DIAPH2: variants seen among roughly 807,000 people sequenced by gnomAD.
DIAPH2 encodes the protein protein diaphanous homolog 2.
In DIAPH2, 35 loss-of-function variants were observed where a neutral mutation model predicts 92.7. The observed-to-expected ratio is 0.38, with a 90% CI of 0.29 to 0.50. DIAPH2 has a LOEUF of 0.50. Among genes scored for constraint, DIAPH2 ranks in the 20% least tolerant of loss-of-function variants. The pLI is 0.94. For synonymous variants in DIAPH2, 301 were observed against 280.4 expected (o/e 1.07, Z -0.73); for missense variants, 701 against 819.5 (o/e 0.86, Z 1.77).
At chrX:97,486,119 A>G (rs951912113) in intron 26 of DIAPH2, among the ~76,000 whole-genome samples, 5 of 111,691 alleles carry the variant, frequency 4.5e-5, no homozygotes, top group African/African-American at 1.6e-4. Flanking sequence ...CTTCTCTTAA[A>G]AAAATAAGAT....
chrX:97,238,990 TCTTA>T (rs1445942600), intron 22 of DIAPH2, among the ~76,000 whole-genome samples: 1 of 112,004 alleles, frequency 8.9e-6, no homozygotes, highest in African/African-American at 3.2e-5. Flanking sequence ...AAGAGTAAAT[TCTTA>T]CTTGGTCTTT....
At chrX:96,780,994 A>T (rs1452152921) in intron 4 of DIAPH2, among the ~76,000 whole-genome samples, 1 of 108,334 alleles carries the variant, frequency 9.2e-6, no homozygotes, top group African/African-American at 3.4e-5. Context: ...TTTAGTAGAG[A>T]CGGGGTTTTG....
chrX:97,056,542 A>G (rs1345335483), intron 17 of DIAPH2, among the ~76,000 whole-genome samples: 1 of 112,162 alleles, frequency 8.9e-6, no homozygotes, highest in African/African-American at 3.2e-5. Context: ...TGCTTGAATT[A>G]CCATAGACTA....
intron 23 of DIAPH2, among the ~76,000 whole-genome samples, chrX:97,294,178 T>C (rs1480210294): frequency 8.9e-6 from 1 of 111,972 alleles, no homozygotes; most frequent in East Asian, 2.8e-4. Flanking sequence ...GGACTTCGCC[T>C]CTTAAGTAAT....
chrX:96,889,688 A>G (rs1045455924), intron 5 of DIAPH2, among the ~76,000 whole-genome samples: 1 of 111,798 alleles, frequency 8.9e-6, no homozygotes, highest in African/African-American at 3.3e-5. Flanking sequence ...ATCAAATATC[A>G]GGTTGTAATA....
At chrX:96,814,534 G>A (rs948993646) in intron 4 of DIAPH2, among the ~76,000 whole-genome samples, 4 of 112,149 alleles carry the variant, frequency 3.6e-5, no homozygotes, top group South Asian at 3.7e-4. Flanking sequence ...CTGTCAGCTC[G>A]TCAAAGTCAT....
intron 17 of DIAPH2, among the ~76,000 whole-genome samples, chrX:97,061,317 T>C (rs924279218): frequency 2.8e-4 from 31 of 112,180 alleles, no homozygotes; most frequent in African/African-American, 9.4e-4. Context: ...AACTAAGCTA[T>C]GATGTGCTTG....
chrX:97,275,638 C>T (rs1272481357), intron 23 of DIAPH2, among the ~76,000 whole-genome samples: 8 of 104,570 alleles, frequency 7.7e-5, no homozygotes, highest in Non-Finnish European at 1.4e-4. Context: ...ACCTCCCAAA[C>T]GGGGTTGCGG....
intron 1 of DIAPH2, among the ~76,000 whole-genome samples, chrX:96,707,629 CAG>C (rs1416668528): frequency 9.2e-6 from 1 of 108,247 alleles, no homozygotes; most frequent in Non-Finnish European, 1.9e-5. Context: ...GCCTGGGAGA[CAG>C]AGTGAGACTC....
At chrX:97,024,096 G>T (rs1032316369) in intron 17 of DIAPH2, among the ~76,000 whole-genome samples, 1 of 111,493 alleles carries the variant, frequency 9.0e-6, no homozygotes, top group Admixed American at 9.5e-5. Context: ...GATACTAGGG[G>T]TTTTCTTACA....
intron 1 of DIAPH2, among the ~76,000 whole-genome samples, chrX:96,693,311 G>T (rs1318151823): frequency 8.9e-6 from 1 of 112,208 alleles, no homozygotes; most frequent in African/African-American, 3.2e-5. Flanking sequence ...AGATAGATGA[G>T]TGATAATTGT....
In DIAPH2 at chrX:96,957,942, C is replaced by T. The variant is rs183362016; in HGVS notation, c.1729C>T (p.Leu577Phe). 9 of 1,207,753 alleles carry T rather than the reference C, an allele frequency of 7.5e-6. No homozygotes were observed. The highest frequency in any genetic ancestry group is 1.0e-5 in the Non-Finnish European group (9 of 894,357). The change falls in exon 16 of 27, where the codon CTT (leucine) becomes TTT (phenylalanine). Residue 577 changes from leucine (L) to phenylalanine (F), a missense_variant. By Grantham distance (22) the Leu-to-Phe change is conservative. Around this residue, in one of 3 missense-constraint regions of DIAPH2, gnomAD observed 536 missense variants for 599.3 expected, o/e 0.89. Coordinates refer to ENST00000324765, the MANE Select transcript of DIAPH2 (RefSeq NM_006729.5). The part of the protein sequence containing the change: ...PAPPLPGGAP[L>F]PPPPPPLPGM... ...GCCACCTCTACCCGGAGGAGCTCCT[C>T]TTCCTCCTCCACCACCTCCTTTACC... is the stretch of plus-strand genomic sequence containing the variant.
chrX:97,539,009 C>T (rs928259622), intron 26 of DIAPH2, among the ~76,000 whole-genome samples: 4 of 111,782 alleles, frequency 3.6e-5, no homozygotes, highest in East Asian at 2.8e-4. Context: ...ACCCACAGAC[C>T]ACTTTCATTT....
At chrX:96,958,243 A>C in intron 16 of DIAPH2, 95 bp downstream of exon 16, 1 of 951,306 alleles carries the variant, frequency 1.1e-6, no homozygotes, top group East Asian at 3.4e-5. Context: ...ATGACTGCTG[A>C]CTCTTTCCGT....
chrX:97,112,708 T>C (rs1398927752), intron 20 of DIAPH2, among the ~76,000 whole-genome samples: 2 of 107,401 alleles, frequency 1.9e-5, no homozygotes, highest in Non-Finnish European at 3.9e-5. Context: ...TCTCTTTACT[T>C]TTCTCACACC....
intron 7 of DIAPH2, among the ~76,000 whole-genome samples, chrX:96,913,173 C>T (rs770927365): frequency 9.0e-6 from 1 of 110,804 alleles, no homozygotes; most frequent in South Asian, 3.9e-4. Context: ...CTAATTTCCT[C>T]AGGAGGGTGA....
chrX:97,247,975 A>G (rs1386235974), intron 23 of DIAPH2, 136 bp downstream of exon 23: 3 of 548,958 alleles, frequency 5.5e-6, no homozygotes, highest in South Asian at 1.2e-4. Context: ...CTGTTTTTCT[A>G]TTAGTAGCAT....
At chrX:96,707,171 T>C (rs1318048734) in intron 1 of DIAPH2, among the ~76,000 whole-genome samples, 1 of 108,773 alleles carries the variant, frequency 9.2e-6, no homozygotes, top group Non-Finnish European at 1.9e-5. Flanking sequence ...GATTGACTGA[T>C]GGATTGATTG....
chrX:96,934,845 A>G (rs995569760), intron 10 of DIAPH2, among the ~76,000 whole-genome samples: 3 of 111,669 alleles, frequency 2.7e-5, no homozygotes, highest in Non-Finnish European at 3.8e-5. Context: ...TTAAGAAAAT[A>G]TTAGTTAAAT....
Sources: gnomAD v4.1 joint callset for allele counts (sites outside exome capture counted in the v4.1 genomes callset) on GRCh38, gnomAD v4.1.1 for gene constraint, gnomAD v4.1.1 regional missense constraint, MANE v1.5 for transcripts, NCBI Gene and HGNC (gene_info 2026-07-23, HGNC 2026-07-21) for gene names.